Variants in IQCM observed in about 807,000 individuals in gnomAD.
The protein encoded by IQCM is IQ domain-containing protein M.
IQCM carries 45 observed loss-of-function variants against 57.6 expected under a neutral mutation model. The ratio of observed to expected loss-of-function variants is 0.78; its 90% CI spans 0.62 to 1.00. IQCM has a LOEUF of 1.00. Ranked by LOEUF, IQCM falls within the 50% of genes least tolerant of loss-of-function variation. The probability of loss-of-function intolerance (pLI) is 0.00; values close to 1 mark genes in which losing one functional copy is unlikely to be tolerated. For missense variants in IQCM, 468 were observed against 511.6 expected (o/e 0.91, Z 0.82); for synonymous variants, 148 against 158.9 (o/e 0.93, Z 0.51).
At chr4:149,391,434 C>T (rs1056341222) in intron 13 of IQCM, among the ~76,000 whole-genome samples, 61 of 151,546 alleles carry the variant, frequency 4.0e-4, no homozygotes, top group African/African-American at 1.3e-3. Context: ...TTTTAAAAAC[C>T]AACTTGTGGG....
At chr4:149,497,001 G>A (rs902500971) in intron 12 of IQCM, among the ~76,000 whole-genome samples, 3 of 152,144 alleles carry the variant, frequency 2.0e-5, no homozygotes, top group African/African-American at 7.2e-5. Context: ...TGATAGAGTG[G>A]CATGATAGTT....
chr4:149,504,164 T>C (rs958056132), intron 12 of IQCM, among the ~76,000 whole-genome samples: 1 of 152,038 alleles, frequency 6.6e-6, no homozygotes, highest in Non-Finnish European at 1.5e-5. Flanking sequence ...TGAAAAGAAA[T>C]GGATAGTCTC....
intron 2 of IQCM, among the ~76,000 whole-genome samples, chr4:149,746,251 G>A (rs1013689555): frequency 1.3e-5 from 2 of 152,000 alleles, no homozygotes; most frequent in Admixed American, 6.5e-5. Context: ...CTTAGAAATT[G>A]TACCTATATC....
At chr4:149,613,759 C>G (rs1284582062) in intron 8 of IQCM, among the ~76,000 whole-genome samples, 1 of 152,016 alleles carries the variant, frequency 6.6e-6, no homozygotes, top group Admixed American at 6.6e-5. Context: ...GTGATGTTTC[C>G]CTTCCCGTGT....
At position 149,703,366 on chromosome 4, in the gene IQCM, T is replaced by A. The variant is rs553422959; in HGVS notation, c.386-16898A>T. Reference sequence around the variant, plus strand: ...TTCTTATTCATGTTAACATTAAAATTAGTACTTCCAGTGGCATGTTTAGGA... The same window carrying A: ...TTCTTATTCATGTTAACATTAAAATAAGTACTTCCAGTGGCATGTTTAGGA... On this transcript the variant is annotated intron_variant, in intron 5 of 13. Transcript: ENST00000636793. Among the ~76,000 whole-genome samples the A allele has an allele frequency of 8.4e-3, 1,271 of 152,050 alleles. 23 individuals carry two copies. The highest frequency in any genetic ancestry group is 0.029 in the African/African-American group (1,222 of 41,520).
chr4:149,431,401 G>A (rs1734848176), intron 13 of IQCM, among the ~76,000 whole-genome samples: 1 of 151,840 alleles, frequency 6.6e-6, no homozygotes, highest in South Asian at 2.1e-4. Context: ...TTTAATTCAC[G>A]TTTCCCTATG....
At chr4:149,502,485 G>A (rs1743352956) in intron 12 of IQCM, among the ~76,000 whole-genome samples, 1 of 151,992 alleles carries the variant, frequency 6.6e-6, no homozygotes, top group Non-Finnish European at 1.5e-5. Flanking sequence ...CTGAGAAACA[G>A]AGGGAGACCC....
intron 9 of IQCM, among the ~76,000 whole-genome samples, chr4:149,570,470 G>A (rs1450812911): frequency 2.0e-5 from 3 of 151,954 alleles, no homozygotes; most frequent in Non-Finnish European, 2.9e-5. Flanking sequence ...CACATATTGG[G>A]AAATTTGAGG....
chr4:149,495,379 T>C (rs967773422), intron 12 of IQCM, among the ~76,000 whole-genome samples: 3 of 152,112 alleles, frequency 2.0e-5, no homozygotes, highest in African/African-American at 7.2e-5. Context: ...CAAACCCATG[T>C]TACTGGTGAA....
intron 7 of IQCM, among the ~76,000 whole-genome samples, chr4:149,641,266 C>T (rs1758166011): frequency 6.6e-6 from 1 of 152,104 alleles, no homozygotes; most frequent in East Asian, 1.9e-4. Flanking sequence ...TAATGTTTTT[C>T]TCTACATCTA....
chr4:149,602,164 A>G (rs989709172), intron 8 of IQCM, among the ~76,000 whole-genome samples: 3 of 152,124 alleles, frequency 2.0e-5, no homozygotes, highest in African/African-American at 4.8e-5. Context: ...TTTACATCAT[A>G]TTATGTATTA....
intron 12 of IQCM, among the ~76,000 whole-genome samples, chr4:149,452,417 T>C (rs1316344143): frequency 2.6e-5 from 4 of 151,292 alleles, no homozygotes; most frequent in African/African-American, 9.7e-5. Flanking sequence ...GAAGAACGTA[T>C]ACTATCAATG....
intron 13 of IQCM, among the ~76,000 whole-genome samples, chr4:149,360,406 A>C (rs775916309): frequency 6.6e-5 from 10 of 152,180 alleles, no homozygotes; most frequent in African/African-American, 9.7e-5. Context: ...TTTATAAGAA[A>C]CATGAGCATC....
intron 3 of IQCM, among the ~76,000 whole-genome samples, chr4:149,737,263 T>C (rs976321482): frequency 5.3e-5 from 8 of 152,206 alleles, no homozygotes; most frequent in Non-Finnish European, 1.0e-4. Flanking sequence ...ATTTGGATTA[T>C]ACAGGCATAT....
chr4:149,498,562 G>A (rs1396181483), intron 12 of IQCM, among the ~76,000 whole-genome samples: 2 of 152,142 alleles, frequency 1.3e-5, no homozygotes, highest in African/African-American at 4.8e-5. Flanking sequence ...GAGCAGGGCA[G>A]GAACTAAGAG....
Position 149,587,924 on chromosome 4 carries a change from A to G in IQCM, c.749+6T>C. 8.3e-7 allele frequency: 1 copy of G among 1,199,978 alleles called. No individual in the cohort carries two copies. The highest frequency in any genetic ancestry group is 1.0e-6 in the Non-Finnish European group (1 of 959,304). 74.3% of individuals were successfully genotyped at this position (1,199,978 alleles called of 1,614,324 possible). A position where few individuals can be genotyped will look rare whatever the true frequency, so the allele number is the denominator to read the frequency against. ...TTTACACTTTTCTATTATATAAAAG[A>G]TATACCTGGGTTGTGATTTTGGTTC... On this transcript the variant is annotated splice_donor_region_variant and intron_variant, in intron 9 of 13. Coordinates refer to ENST00000636793, the MANE Select transcript of IQCM (RefSeq NM_001363507.2).
intron 12 of IQCM, among the ~76,000 whole-genome samples, chr4:149,477,557 G>A (rs1026836944): frequency 2.6e-5 from 4 of 152,136 alleles, no homozygotes; most frequent in South Asian, 2.1e-4. Context: ...CTTACTGTCC[G>A]GTGGGGGCTG....
At chr4:149,360,707 C>T (rs1729415755) in intron 13 of IQCM, among the ~76,000 whole-genome samples, 2 of 152,130 alleles carry the variant, frequency 1.3e-5, no homozygotes, top group Admixed American at 1.3e-4. Context: ...GTAAGAAGTG[C>T]CATTCACCTC....
At chr4:149,383,059 C>T (rs1731189508) in intron 13 of IQCM, among the ~76,000 whole-genome samples, 1 of 151,498 alleles carries the variant, frequency 6.6e-6, no homozygotes, top group Non-Finnish European at 1.5e-5. Context: ...AAACATATCC[C>T]AATGAGACAA....
Sources: allele counts gnomAD v4.1 joint callset (sites outside exome capture counted in the v4.1 genomes callset), GRCh38; gene constraint gnomAD v4.1.1; transcripts MANE v1.5; gene names NCBI Gene and HGNC (gene_info 2026-07-23, HGNC 2026-07-21).